ST7L: variants seen among roughly 807,000 people sequenced by gnomAD.
The protein encoded by ST7L is suppression of tumorigenicity 7 like, also known as suppressor of tumorigenicity 7 protein-like.
Under a neutral mutation model 72.5 loss-of-function variants are expected in ST7L, and 57 were observed. That is an observed-to-expected ratio of 0.79 (90% CI 0.64 to 0.98). The LOEUF is 0.98. Ranked by LOEUF, ST7L falls within the 50% of genes least tolerant of loss-of-function variation. The probability of loss-of-function intolerance (pLI) is 0.00; values close to 1 mark genes in which losing one functional copy is unlikely to be tolerated. For missense variants in ST7L, 576 were observed against 672.2 expected (o/e 0.86, Z 1.58); for synonymous variants, 221 against 240.9 (o/e 0.92, Z 0.77).
intron 13 of ST7L, among the ~76,000 whole-genome samples, chr1:112,543,631 G>A (rs1194647472): frequency 6.6e-6 from 1 of 152,040 alleles, no homozygotes; most frequent in Admixed American, 6.5e-5. Flanking sequence ...CACTTTGGGA[G>A]GCCGAGGCAG....
chr1:112,555,818 T>G (rs1266474215), intron 12 of ST7L, 50 bp downstream of exon 12: 1 of 1,395,428 alleles, frequency 7.2e-7, no homozygotes, highest in Non-Finnish European at 9.4e-7. Context: ...GCCTGTGAAT[T>G]CAATGAATAG....
intron 11 of ST7L, among the ~76,000 whole-genome samples, chr1:112,559,922 G>A (rs1433764772): frequency 6.6e-6 from 1 of 151,898 alleles, no homozygotes; most frequent in Non-Finnish European, 1.5e-5. Flanking sequence ...CAGTTGCAGT[G>A]AGCCGAGATC....
At chr1:112,619,147 G>A (rs1231712049), upstream of ST7L, 5 of 1,604,228 alleles carry the variant, frequency 3.1e-6, no homozygotes, top group Admixed American at 3.4e-5. Context: ...GAGCTGGGAG[G>A]GGAGAAGGAC....
chr1:112,591,639 TA>T (rs769651086), intron 5 of ST7L, 36 bp from the exon 6 acceptor site: 2 of 1,536,124 alleles, frequency 1.3e-6, no homozygotes, highest in Middle Eastern at 2.1e-4. Flanking sequence ...GATGAGATGG[TA>T]AAAAAATAAT....
At chr1:112,589,354 G>T (rs188217009) in intron 6 of ST7L, among the ~76,000 whole-genome samples, 129 of 152,204 alleles carry the variant, frequency 8.5e-4, no homozygotes, top group African/African-American at 3.0e-3. Context: ...CTCCCAAAGT[G>T]CTGGGACTAC....
chr1:112,605,789 A>G (rs1451353781), intron 3 of ST7L, among the ~76,000 whole-genome samples: 1 of 152,036 alleles, frequency 6.6e-6, no homozygotes, highest in Non-Finnish European at 1.5e-5. Context: ...TCTCTGTGGT[A>G]CAGCCCCACC....
At position 112,592,333 on chromosome 1, in the gene ST7L, T is replaced by C. The variant is rs1257578507; in HGVS notation, c.623-730A>G. On this transcript the variant is annotated intron_variant, in intron 5 of 14. Coordinates refer to ENST00000358039, the MANE Select transcript of ST7L (RefSeq NM_017744.5). ...AAGAAAAATAGAGAACCTATGAGTG[T>C]TGCTTTTGGAACAAAACCTGCAACT... 3.9e-5 allele frequency among the ~76,000 whole-genome samples: 6 copies of C among 152,358 alleles called. No individual in the cohort carries two copies. In the East Asian group the frequency reaches 1.2e-3, roughly 29 times the overall value.
At chr1:112,600,892 A>T in intron 3 of ST7L, 44 bp from the exon 4 acceptor site, 1 of 1,552,114 alleles carries the variant, frequency 6.4e-7, no homozygotes, top group Non-Finnish European at 8.8e-7. Flanking sequence ...GACACTTTAA[A>T]ATCTTCATTT....
intron 6 of ST7L, among the ~76,000 whole-genome samples, chr1:112,587,634 C>T (rs1665063442): frequency 6.6e-6 from 1 of 152,150 alleles, no homozygotes; most frequent in African/African-American, 2.4e-5. Flanking sequence ...CATCAACTGA[C>T]CATAGATAAT....
intron 4 of ST7L, among the ~76,000 whole-genome samples, chr1:112,600,241 T>G (rs538043315): frequency 6.6e-6 from 1 of 152,122 alleles, no homozygotes; most frequent in Admixed American, 6.5e-5. Context: ...TTTCACCATG[T>G]TGGCCAGGCT....
chr1:112,571,170 A>C (rs1662057284), intron 11 of ST7L: 1 of 386,950 alleles, frequency 2.6e-6, no homozygotes, highest in East Asian at 7.3e-5. Flanking sequence ...ACTGTCTCAA[A>C]AAAACCAAAT....
At chr1:112,608,046 G>A (rs1227354781) in intron 3 of ST7L, among the ~76,000 whole-genome samples, 3 of 152,036 alleles carry the variant, frequency 2.0e-5, no homozygotes, top group Admixed American at 2.0e-4. Context: ...TTGGAGAGAG[G>A]GTCTTGCTCT....
chr1:112,553,289 A>G (rs996421972), intron 12 of ST7L, among the ~76,000 whole-genome samples: 1 of 151,800 alleles, frequency 6.6e-6, no homozygotes, highest in Non-Finnish European at 1.5e-5. Flanking sequence ...TATGTTGCCC[A>G]GGGTGGTCTC....
At chr1:112,575,707 G>A (rs12750023) in intron 11 of ST7L, among the ~76,000 whole-genome samples, 32,754 of 151,962 alleles carry the variant, frequency 0.22, 3,737 homozygotes, top group Non-Finnish European at 0.26. Context: ...GTTTATTTCT[G>A]GAATTTTCCA....
At chr1:112,517,887 T>A in the ST7L span, 1 of 155,436 alleles carries the variant, frequency 6.4e-6, no homozygotes, top group African/African-American at 2.4e-5. Context: ...GTAGGGAGTA[T>A]CTGGATAGCT....
intron 11 of ST7L, among the ~76,000 whole-genome samples, chr1:112,560,857 G>C (rs1246427307): frequency 1.3e-5 from 2 of 151,976 alleles, no homozygotes; most frequent in African/African-American, 4.8e-5. Flanking sequence ...CAGCTACTTG[G>C]GAGGCTGAGG....
intron 2 of ST7L, among the ~76,000 whole-genome samples, chr1:112,615,314 GAAT>G (rs1197664197): frequency 6.6e-6 from 1 of 152,118 alleles, no homozygotes; most frequent in Admixed American, 6.6e-5. Context: ...AGAATTCTCA[GAAT>G]AATGGCCAAA....
chr1:112,595,089 G>C (rs1298118203), intron 5 of ST7L, among the ~76,000 whole-genome samples: 1 of 152,062 alleles, frequency 6.6e-6, no homozygotes, highest in East Asian at 1.9e-4. Context: ...TGGTAAGCTG[G>C]GCGTGGTCGC....
At position 112,610,996 on chromosome 1, in the gene ST7L, TC is replaced by T; in HGVS notation, c.295del (p.Glu99AsnfsTer18). 6.2e-7 allele frequency: 1 copy of T among 1,613,776 alleles called. No homozygotes were observed. The highest frequency in any genetic ancestry group is 2.2e-5 in the East Asian group (1 of 44,874). On this transcript the variant is annotated frameshift_variant, in exon 3 of 15. Coordinates refer to ENST00000358039, the MANE Select transcript of ST7L (RefSeq NM_017744.5). LOFTEE classifies it high-confidence loss of function. ...SLISGLIFIF[E>X]WWYFHKHGTS... ...GCCATGCTTATGGAAGTACCACCAT[TC>T]AAATATCTATGACAAACAGAAAATA...
Sources: allele counts gnomAD v4.1 joint callset (sites outside exome capture counted in the v4.1 genomes callset), GRCh38; gene constraint gnomAD v4.1.1; transcripts MANE v1.5; gene names NCBI Gene and HGNC (gene_info 2026-07-23, HGNC 2026-07-21).